PTCHD4: variants seen among roughly 807,000 people sequenced by gnomAD.
The protein encoded by PTCHD4 is patched domain-containing protein 4.
A neutral mutation model predicts 58.1 loss-of-function variants in PTCHD4; 33 were observed. The observed-to-expected ratio is 0.57, with a 90% CI of 0.43 to 0.76. The LOEUF (loss-of-function observed/expected upper bound fraction) is 0.76. PTCHD4 is among the 30% of genes least tolerant of loss of function. PTCHD4 has a pLI of 0.00. For synonymous variants in PTCHD4, 478 were observed against 409.6 expected, an observed-to-expected ratio of 1.17 and a Z score of -2.02; for missense variants, 1,058 against 1,027.1, an observed-to-expected ratio of 1.03 and a Z score of -0.41.
At chr6:48,087,312 A>C (rs1765283139) in intron 1 of PTCHD4, among the ~76,000 whole-genome samples, 1 of 151,790 alleles carries the variant, frequency 6.6e-6, no homozygotes, top group African/African-American at 2.4e-5. Flanking sequence ...CAGCTCCAAC[A>C]CTCTGAGTCT....
chr6:47,940,989 C>T (rs78121061), intron 4 of PTCHD4, among the ~76,000 whole-genome samples: 7,313 of 152,172 alleles, frequency 0.048, 208 homozygotes, highest in African/African-American at 0.063. Flanking sequence ...ACTTCCAGAC[C>T]TTTTATTACT....
chr6:48,094,602 T>C (rs1433068540), intron 1 of PTCHD4, among the ~76,000 whole-genome samples: 1 of 152,206 alleles, frequency 6.6e-6, no homozygotes, highest in African/African-American at 2.4e-5. Context: ...TACTTGAGGA[T>C]AGCTTTTCAA....
At chr6:47,914,407 G>A (rs1310703557) in intron 4 of PTCHD4, among the ~76,000 whole-genome samples, 1 of 152,042 alleles carries the variant, frequency 6.6e-6, no homozygotes, top group Non-Finnish European at 1.5e-5. Flanking sequence ...CAACCCAGTG[G>A]AGGTGAGAGT....
intron 1 of PTCHD4, among the ~76,000 whole-genome samples, chr6:48,098,201 G>A (rs1159194483): frequency 6.6e-6 from 1 of 152,112 alleles, no homozygotes; most frequent in Admixed American, 6.5e-5. Context: ...ACTGCAACAA[G>A]GAGAACTGAA....
At chr6:47,950,777 C>A (rs536514679) in intron 4 of PTCHD4, among the ~76,000 whole-genome samples, 2 of 151,720 alleles carry the variant, frequency 1.3e-5, no homozygotes, top group African/African-American at 2.4e-5. Flanking sequence ...GGTCACCAAG[C>A]GAGTCAATAG....
intron 3 of PTCHD4, among the ~76,000 whole-genome samples, chr6:48,042,723 C>T (rs1763889442): frequency 6.6e-6 from 1 of 151,904 alleles, no homozygotes; most frequent in Non-Finnish European, 1.5e-5. Flanking sequence ...TTTTTCTACC[C>T]TGCAGTTCTT....
chr6:48,045,164 C>T (rs1041980660), intron 3 of PTCHD4, among the ~76,000 whole-genome samples: 20 of 151,788 alleles, frequency 1.3e-4, no homozygotes, highest in Admixed American at 1.2e-3. Context: ...TGGCTCCAGT[C>T]GGCCCTGCAT....
chr6:48,083,419 C>T (rs1765202528), intron 1 of PTCHD4, among the ~76,000 whole-genome samples: 3 of 151,970 alleles, frequency 2.0e-5, no homozygotes, highest in African/African-American at 7.3e-5. Context: ...GAATGGAATT[C>T]TTTTTGGGTA....
rs1428338642 is a variant in PTCHD4 at position 47,873,489 on chromosome 6, T to C, written c.*4814A>G. Among the ~76,000 whole-genome samples, 2 of 151,698 alleles carry C rather than the reference T, an allele frequency of 1.3e-5. No individual in the cohort carries two copies. The highest frequency in any genetic ancestry group is 2.1e-4 in the South Asian group (1 of 4,834). Reference sequence around the variant, plus strand: ...GGATTAATCTTGGTCCTTTAGTTGATAAATCAAGGTAATTTACTGCTGCTA... The same window carrying C: ...GGATTAATCTTGGTCCTTTAGTTGACAAATCAAGGTAATTTACTGCTGCTA... On this transcript the variant is annotated 3_prime_UTR_variant, in exon 5 of 5. Coordinates refer to ENST00000339488, the MANE Select transcript of PTCHD4 (RefSeq NM_001384253.1).
intron 4 of PTCHD4, among the ~76,000 whole-genome samples, chr6:47,924,263 G>GACT (rs1190682139): frequency 6.6e-6 from 1 of 151,992 alleles, no homozygotes. Flanking sequence ...ACTGAGTCAT[G>GACT]ACTACATGGA....
chr6:48,008,575 A>G (rs1400356819), intron 4 of PTCHD4, 59 bp downstream of exon 4: 1 of 1,529,052 alleles, frequency 6.5e-7, no homozygotes, highest in South Asian at 1.3e-5. Context: ...GAATTCAAGA[A>G]ATATACTACC....
At chr6:48,021,528 G>T (rs139040220) in intron 3 of PTCHD4, among the ~76,000 whole-genome samples, 1,869 of 152,104 alleles carry the variant, frequency 0.012, 39 homozygotes, top group South Asian at 0.045. Flanking sequence ...CATAAACAAG[G>T]CCAAATCATT....
At chr6:48,082,782 A>C (rs1765191067) in intron 1 of PTCHD4, among the ~76,000 whole-genome samples, 1 of 152,120 alleles carries the variant, frequency 6.6e-6, no homozygotes, top group South Asian at 2.1e-4. Flanking sequence ...GTTCTCCTTA[A>C]AATATAAGAA....
rs914059865 is a variant in PTCHD4 at position 48,047,192 on chromosome 6, G to GT, written c.417+21037dup. On this transcript the variant is annotated intron_variant, in intron 3 of 4. Transcript: ENST00000339488. ...CTTCTCTTGTTCTAATGACTGTAGT[G>GT]TTTTTTTCAAGAGAATATAGCTGTT... Among the ~76,000 whole-genome samples the GT allele has an allele frequency of 6.1e-4, 92 of 151,694 alleles. 2 individuals are homozygous for GT. The highest frequency in any genetic ancestry group is 2.1e-3 in the African/African-American group (85 of 41,422).
chr6:48,035,837 T>C (rs1178909905), intron 3 of PTCHD4, among the ~76,000 whole-genome samples: 4 of 152,140 alleles, frequency 2.6e-5, no homozygotes, highest in Non-Finnish European at 4.4e-5. Flanking sequence ...TTCCTCTTAG[T>C]AATTTTCTAA....
intron 4 of PTCHD4, among the ~76,000 whole-genome samples, chr6:47,970,851 C>A (rs956803408): frequency 6.6e-6 from 1 of 152,204 alleles, no homozygotes; most frequent in African/African-American, 2.4e-5. Flanking sequence ...AGACTCTGTG[C>A]ACTGACTGAA....
intron 3 of PTCHD4, among the ~76,000 whole-genome samples, chr6:48,015,019 C>T (rs1297555080): frequency 6.6e-6 from 1 of 152,208 alleles, no homozygotes; most frequent in East Asian, 1.9e-4. Flanking sequence ...AGCAATGACT[C>T]ATACTCGTAT....
chr6:48,089,271 C>T (rs1489544114), intron 1 of PTCHD4, among the ~76,000 whole-genome samples: 1 of 152,022 alleles, frequency 6.6e-6, no homozygotes, highest in African/African-American at 2.4e-5. Flanking sequence ...TCTAAGTATT[C>T]TTTATTTAAT....
chr6:47,956,539 T>C (rs1215280066), intron 4 of PTCHD4, among the ~76,000 whole-genome samples: 1 of 152,026 alleles, frequency 6.6e-6, no homozygotes, highest in Non-Finnish European at 1.5e-5. Context: ...GTTCACGCCA[T>C]TCTCCTGCCT....
Sources: gnomAD v4.1 joint callset for allele counts (sites outside exome capture counted in the v4.1 genomes callset) on GRCh38, gnomAD v4.1.1 for gene constraint, MANE v1.5 for transcripts, NCBI Gene and HGNC (gene_info 2026-07-23, HGNC 2026-07-21) for gene names.